XRCC5: variants seen among roughly 807,000 people sequenced by gnomAD.
The protein encoded by XRCC5 is DNA repair protein Ku80.
A neutral mutation model predicts 95.7 loss-of-function variants in XRCC5; 12 were observed. The observed-to-expected ratio is 0.13, with a 90% CI of 0.08 to 0.20. The LOEUF (loss-of-function observed/expected upper bound fraction) is 0.20. Ranked by LOEUF, XRCC5 falls within the 10% of genes least tolerant of loss-of-function variation. The pLI is 1.00. For synonymous variants in XRCC5, 281 were observed against 290.3 expected (o/e 0.97, Z 0.33); for missense variants, 595 against 873.9 (o/e 0.68, Z 4.02).
At chr2:216,142,980 T>C (rs1697195818) in intron 13 of XRCC5, among the ~76,000 whole-genome samples, 1 of 152,204 alleles carries the variant, frequency 6.6e-6, no homozygotes, top group South Asian at 2.1e-4. Flanking sequence ...TGAAAATGCA[T>C]TTACTACACC....
At chr2:216,127,485 C>G in intron 7 of XRCC5, 51 bp from the exon 8 acceptor site, 1 of 1,544,448 alleles carries the variant, frequency 6.5e-7, no homozygotes, top group Admixed American at 2.2e-5. Context: ...CATCTTCTAT[C>G]AATTGGAATC....
intron 16 of XRCC5, among the ~76,000 whole-genome samples, chr2:216,183,804 A>C (rs1689437671): frequency 6.6e-6 from 1 of 152,188 alleles, no homozygotes; most frequent in African/African-American, 2.4e-5. Context: ...GCTGCTTAAA[A>C]AAGATGACAA....
rs1251941481 is a variant in XRCC5 at position 216,205,207 on chromosome 2, T to C, written c.*5T>C. The C allele has an allele frequency of 6.2e-7, 1 of 1,613,990 alleles. No individual in the cohort carries two copies. Among genetic ancestry groups the C allele is most frequent in the Admixed American group, 1.7e-5 (1 of 60,012 alleles). On this transcript the variant is annotated 3_prime_UTR_variant, in exon 21 of 21. Transcript: ENST00000392132. ...TCACAGTTGGACATGATATAGGTCG[T>C]GGATGTATGGGGAATCTAAGAGAGC...
chr2:216,122,809 C>T (rs1317709789), intron 6 of XRCC5, among the ~76,000 whole-genome samples: 2 of 150,114 alleles, frequency 1.3e-5, no homozygotes, highest in Non-Finnish European at 3.0e-5. Flanking sequence ...TTTACGTGGG[C>T]GTTGGAAAGG....
chr2:216,173,805 C>T (rs1689217469), intron 16 of XRCC5, among the ~76,000 whole-genome samples: 1 of 152,168 alleles, frequency 6.6e-6, no homozygotes, highest in South Asian at 2.1e-4. Context: ...CTCTGGCTTG[C>T]TTCTGCCTTC....
intron 16 of XRCC5, among the ~76,000 whole-genome samples, chr2:216,163,446 C>T (rs1008973604): frequency 1.6e-4 from 25 of 152,060 alleles, no homozygotes; most frequent in African/African-American, 5.3e-4. Context: ...CATACCCCCA[C>T]GCCCGGCTAA....
intron 2 of XRCC5, 137 bp downstream of exon 2, chr2:216,113,266 G>A: frequency 1.5e-6 from 1 of 654,282 alleles, no homozygotes; most frequent in Non-Finnish European, 2.6e-6. Context: ...TTCCTTACAT[G>A]TACTCACATA....
chr2:216,190,389 G>T, intron 17 of XRCC5, 55 bp downstream of exon 17: 2 of 1,480,256 alleles, frequency 1.4e-6, no homozygotes. Context: ...CTATCACAGG[G>T]AAAGAGGCAT....
chr2:216,124,395 C>T (rs987787975), intron 6 of XRCC5, among the ~76,000 whole-genome samples: 8 of 152,140 alleles, frequency 5.3e-5, no homozygotes, highest in East Asian at 1.9e-4. Flanking sequence ...TACAGGCATG[C>T]GACACCATGC....
At chr2:216,151,114 A>G (rs1204661745) in intron 14 of XRCC5, among the ~76,000 whole-genome samples, 1 of 152,186 alleles carries the variant, frequency 6.6e-6, no homozygotes, top group Non-Finnish European at 1.5e-5. Context: ...CATTATCTAT[A>G]AAAACATTGA....
chr2:216,165,197 C>T (rs1379353885), intron 16 of XRCC5, among the ~76,000 whole-genome samples: 1 of 152,202 alleles, frequency 6.6e-6, no homozygotes, highest in African/African-American at 2.4e-5. Flanking sequence ...GACTTCCTTT[C>T]CTACGCTTTT....
intron 4 of XRCC5, among the ~76,000 whole-genome samples, chr2:216,118,653 A>C (rs917510770): frequency 1.7e-4 from 26 of 152,362 alleles, no homozygotes; most frequent in African/African-American, 6.3e-4. Flanking sequence ...AAATCTTGCC[A>C]CACAAAATCT....
chr2:216,143,925 A>G (rs1697211245), intron 13 of XRCC5, among the ~76,000 whole-genome samples: 1 of 150,986 alleles, frequency 6.6e-6, no homozygotes, highest in Non-Finnish European at 1.5e-5. Context: ...TGTGTTAGCC[A>G]GGATAGTCTC....
intron 1 of XRCC5, among the ~76,000 whole-genome samples, chr2:216,111,902 G>A (rs1356047838): frequency 6.6e-6 from 1 of 152,118 alleles, no homozygotes; most frequent in African/African-American, 2.4e-5. Flanking sequence ...TAGATCCCAG[G>A]TCTCCCGATT....
intron 6 of XRCC5, among the ~76,000 whole-genome samples, chr2:216,125,026 C>G (rs578238710): frequency 2.0e-5 from 3 of 152,230 alleles, no homozygotes; most frequent in African/African-American, 4.8e-5. Flanking sequence ...GAACTAAATT[C>G]CTTTATTCCT....
chr2:216,180,101 G>T (rs1210182418), intron 16 of XRCC5, among the ~76,000 whole-genome samples: 2 of 152,188 alleles, frequency 1.3e-5, no homozygotes, highest in Admixed American at 1.3e-4. Context: ...GGTCATGCAG[G>T]TCTGGACTTC....
intron 19 of XRCC5, among the ~76,000 whole-genome samples, chr2:216,202,682 C>A (rs892301480): frequency 5.3e-5 from 8 of 152,084 alleles, no homozygotes; most frequent in African/African-American, 1.9e-4. Context: ...CCATAAATGT[C>A]CTTAAAAGAA....
chr2:216,112,946 G>A, intron 1 of XRCC5, 70 bp from the exon 2 acceptor site: 1 of 1,202,968 alleles, frequency 8.3e-7, no homozygotes, highest in Non-Finnish European at 1.2e-6. Flanking sequence ...AATACAATAA[G>A]CAAGGGACAT....
chr2:216,113,206 C>T, intron 2 of XRCC5, 77 bp downstream of exon 2: 1 of 1,256,576 alleles, frequency 8.0e-7, no homozygotes. Flanking sequence ...TGCAAGATAC[C>T]AGCCTCCTTA....
Sources: gnomAD v4.1 joint callset for allele counts (sites outside exome capture counted in the v4.1 genomes callset) on GRCh38, gnomAD v4.1.1 for gene constraint, MANE v1.5 for transcripts, NCBI Gene and HGNC (gene_info 2026-07-23, HGNC 2026-07-21) for gene names.